The following RAD51B variants were observed in gnomAD, a reference collection of about 807,000 sequenced individuals.
RAD51B encodes the protein DNA repair protein RAD51 homolog 2.
A neutral mutation model predicts 42.2 loss-of-function variants in RAD51B; 38 were observed. The ratio of observed to expected loss-of-function variants is 0.90; its 90% CI spans 0.70 to 1.18. RAD51B has a LOEUF of 1.18. RAD51B is among the 50% of genes most tolerant of loss of function. RAD51B has a pLI of 0.00. For missense variants in RAD51B, 373 were observed against 400.7 expected (o/e 0.93, Z 0.59); for synonymous variants, 154 against 145.2 (o/e 1.06, Z -0.43).
chr14:68,336,673 C>T (rs1227751744), intron 8 of RAD51B, among the ~76,000 whole-genome samples: 1 of 152,158 alleles, frequency 6.6e-6, no homozygotes, highest in East Asian at 1.9e-4. Context: ...TTCTACTTGC[C>T]ACCAATGCAT....
At chr14:68,387,618 A>G (rs2083625770) in intron 8 of RAD51B, among the ~76,000 whole-genome samples, 1 of 152,236 alleles carries the variant, frequency 6.6e-6, no homozygotes, top group Non-Finnish European at 1.5e-5. Context: ...GCTGAAGCAG[A>G]AAGTAAAGTT....
chr14:68,069,045 A>G (rs1243354513), intron 7 of RAD51B, among the ~76,000 whole-genome samples: 1 of 152,162 alleles, frequency 6.6e-6, no homozygotes, highest in African/African-American at 2.4e-5. Context: ...TTACACTACC[A>G]TTCTAAAGTT....
At chr14:68,135,062 C>T (rs8012493) in intron 7 of RAD51B, among the ~76,000 whole-genome samples, 12,738 of 152,158 alleles carry the variant, frequency 0.084, 1,557 homozygotes, top group African/African-American at 0.27. Flanking sequence ...TCAGCTCAGA[C>T]GTGTTACCAA....
chr14:67,930,701 C>T (rs1247485735), intron 7 of RAD51B, among the ~76,000 whole-genome samples: 2 of 152,118 alleles, frequency 1.3e-5, no homozygotes, highest in African/African-American at 4.8e-5. Context: ...ACTGGTCTTC[C>T]TGTACCTGGA....
intron 10 of RAD51B, among the ~76,000 whole-genome samples, chr14:68,522,755 A>G (rs1253773697): frequency 1.3e-5 from 2 of 152,198 alleles, no homozygotes; most frequent in Non-Finnish European, 2.9e-5. Flanking sequence ...AGGGTGGCTT[A>G]GTTTTGTGCA....
chr14:68,255,185 G>A (rs898412454), intron 7 of RAD51B, among the ~76,000 whole-genome samples: 9 of 150,942 alleles, frequency 6.0e-5, no homozygotes, highest in East Asian at 5.8e-4. Flanking sequence ...AATATCTTAC[G>A]GAGTTTGTGT....
chr14:68,241,874 C>T (rs1158084494), intron 7 of RAD51B, among the ~76,000 whole-genome samples: 1 of 152,080 alleles, frequency 6.6e-6, no homozygotes, highest in Non-Finnish European at 1.5e-5. Context: ...CAACCTTGGG[C>T]CTACACTCAG....
chr14:68,385,053 C>A (rs992666316), intron 8 of RAD51B, among the ~76,000 whole-genome samples: 3 of 152,012 alleles, frequency 2.0e-5, no homozygotes, highest in African/African-American at 7.2e-5. Context: ...TTAAGTTACT[C>A]AATTGCCATC....
intron 9 of RAD51B, among the ~76,000 whole-genome samples, chr14:68,426,248 T>G (rs1413060765): frequency 2.0e-5 from 3 of 151,156 alleles, no homozygotes; most frequent in Non-Finnish European, 4.4e-5. Context: ...TTGTATTTTT[T>G]TTTTTTTGGT....
At chr14:68,682,839 T>G (rs72729583) in intron 11 of RAD51B, 54,312 of 721,272 alleles carry the variant, frequency 0.075, 2,214 homozygotes, top group Admixed American at 0.12. Flanking sequence ...AAATGGAATC[T>G]CTGAAGGATT....
At chr14:68,204,983 G>T (rs2079557325) in intron 7 of RAD51B, among the ~76,000 whole-genome samples, 1 of 152,106 alleles carries the variant, frequency 6.6e-6, no homozygotes, top group Non-Finnish European at 1.5e-5. Flanking sequence ...TCCCCATTTT[G>T]GGAAATATAT....
At chr14:67,830,410 GTT>G (rs139853898) in intron 3 of RAD51B, among the ~76,000 whole-genome samples, 1 of 150,728 alleles carries the variant, frequency 6.6e-6, no homozygotes, top group Non-Finnish European at 1.5e-5. Flanking sequence ...GATAATTTTT[GTT>G]TTTTTTTGAG....
At chr14:68,528,792 G>A (rs1288832677) in intron 10 of RAD51B, among the ~76,000 whole-genome samples, 2 of 152,192 alleles carry the variant, frequency 1.3e-5, no homozygotes, top group Non-Finnish European at 2.9e-5. Flanking sequence ...TGTCCTGTGA[G>A]CATCTGTTGG....
intron 8 of RAD51B, chr14:68,306,620 TA>T: frequency 1.9e-6 from 1 of 515,916 alleles, no homozygotes; most frequent in South Asian, 1.4e-5. Flanking sequence ...GGAAGAAATA[TA>T]ACCTTGATCC....
At chr14:67,834,076 G>A (rs924783733) in intron 3 of RAD51B, among the ~76,000 whole-genome samples, 1 of 152,200 alleles carries the variant, frequency 6.6e-6, no homozygotes, top group Non-Finnish European at 1.5e-5. Flanking sequence ...AAATTAAGGT[G>A]TAGGCAGAGC....
intron 4 of RAD51B, among the ~76,000 whole-genome samples, chr14:67,850,196 G>A (rs530815784): frequency 2.2e-4 from 34 of 152,192 alleles, no homozygotes; most frequent in South Asian, 4.1e-4. Flanking sequence ...GTGTCCCACC[G>A]TCGTCTTGAA....
chr14:68,422,717 A>G (rs1282737741), intron 9 of RAD51B, among the ~76,000 whole-genome samples: 3 of 152,328 alleles, frequency 2.0e-5, no homozygotes, highest in East Asian at 3.9e-4. Flanking sequence ...ATGATATGCT[A>G]CACATTATCT....
chr14:68,457,773 AT>A lies in RAD51B; in HGVS notation c.958-10378del, dbSNP rs771439291. The stretch of plus-strand genomic sequence containing the variant: ...GCCACCACGCCCAGCTAATTTTTGT[AT>A]TTTTTTTTTTTTTTTTTTTTAGTAG... On this transcript the variant is annotated intron_variant, in intron 9 of 10. Transcript: ENST00000471583. Among the ~76,000 whole-genome samples, 603 of 106,732 alleles carry A rather than the reference AT, an allele frequency of 5.6e-3. 2 individuals are homozygous for A. The highest frequency in any genetic ancestry group is 0.032 in the East Asian group (126 of 3,884). The allele number at this position is 106,732 out of a possible 152,430, so 70.0% of individuals were successfully genotyped here. A position where few individuals can be genotyped will look rare whatever the true frequency, so the allele number is the denominator to read the frequency against.
intron 5 of RAD51B, among the ~76,000 whole-genome samples, chr14:67,873,957 AG>A (rs2042637105): frequency 7.9e-6 from 1 of 127,356 alleles, no homozygotes; most frequent in Non-Finnish European, 1.6e-5. Flanking sequence ...GGGAGGGGGG[AG>A]GGATAGCATT....
Sources: allele counts gnomAD v4.1 joint callset (sites outside exome capture counted in the v4.1 genomes callset), GRCh38; gene constraint gnomAD v4.1.1; transcripts MANE v1.5; gene names NCBI Gene and HGNC (gene_info 2026-07-23, HGNC 2026-07-21).